FIGN: variants seen among roughly 807,000 people sequenced by gnomAD.
FIGN encodes fidgetin, microtubule severing factor, also known as fidgetin.
A neutral mutation model predicts 51.3 loss-of-function variants in FIGN; 11 were observed. The ratio of observed to expected loss-of-function variants is 0.21; its 90% confidence interval spans 0.13 to 0.35. The LOEUF (loss-of-function observed/expected upper bound fraction) is 0.35, where lower values mean the gene tolerates loss of function less well. FIGN is among the 10% of genes least tolerant of loss of function. The pLI, the probability that FIGN is intolerant of heterozygous loss-of-function variation, is 1.00. For missense variants in FIGN, 857 were observed against 943.6 expected, an observed-to-expected ratio of 0.91 and a Z score of 1.20; for synonymous variants, 407 against 363.2, an observed-to-expected ratio of 1.12 and a Z score of -1.37.
chr2:163,611,492 T>C lies in FIGN; in HGVS notation c.340A>G (p.Asn114Asp). 6.2e-7 allele frequency: 1 copy of C among 1,614,198 alleles called. No homozygotes were observed. Among genetic ancestry groups the C allele is most frequent in the Non-Finnish European group, 8.5e-7 (1 of 1,180,024 alleles). ...TTCATGGGATAAACAGCTTCTGAATTCAAGGAAGGCTGCCAGGGTTCACTT... is the reference window on the plus strand; with the variant it reads ...TTCATGGGATAAACAGCTTCTGAATCCAAGGAAGGCTGCCAGGGTTCACTT... ...NESEPWQPSL[N>D]SEAVYPMNCV... Residue 114 changes from asparagine to aspartate, a missense_variant, in exon 3 of 3, where the codon AAT becomes GAT. By Grantham distance (23) the Asn-to-Asp change is conservative (BLOSUM62 1). Transcript: ENST00000333129.
intron 2 of FIGN, among the ~76,000 whole-genome samples, chr2:163,625,803 A>G (rs1444208737): frequency 6.6e-6 from 1 of 152,068 alleles, no homozygotes; most frequent in Non-Finnish European, 1.5e-5. Flanking sequence ...AACCTCTCAC[A>G]TGGTAACATA....
intron 2 of FIGN, among the ~76,000 whole-genome samples, chr2:163,727,916 C>T (rs1684863378): frequency 6.6e-6 from 1 of 152,084 alleles, no homozygotes; most frequent in South Asian, 2.1e-4. Context: ...ATGTTTTGTC[C>T]ACCTATCAGC....
chr2:163,652,581 T>C (rs1461721842), intron 2 of FIGN, among the ~76,000 whole-genome samples: 1 of 152,134 alleles, frequency 6.6e-6, no homozygotes, highest in Non-Finnish European at 1.5e-5. Context: ...TAAACATTTA[T>C]ACAGTCTAAA....
At chr2:163,653,793 CA>C (rs1381890619) in intron 2 of FIGN, among the ~76,000 whole-genome samples, 1 of 152,048 alleles carries the variant, frequency 6.6e-6, no homozygotes, top group Non-Finnish European at 1.5e-5. Context: ...ATATTTTGTG[CA>C]ACAGGAATTT....
At chr2:163,678,512 C>T (rs557842787) in intron 2 of FIGN, among the ~76,000 whole-genome samples, 33 of 152,282 alleles carry the variant, frequency 2.2e-4, no homozygotes, top group Admixed American at 9.8e-4. Flanking sequence ...TGAGCCACCA[C>T]GCCTGACCAA....
chr2:163,667,775 C>T (rs146885784), intron 2 of FIGN, among the ~76,000 whole-genome samples: 4 of 152,280 alleles, frequency 2.6e-5, no homozygotes, highest in South Asian at 2.1e-4. Flanking sequence ...TCCACTGCTG[C>T]GTTCTTCACA....
intron 2 of FIGN, among the ~76,000 whole-genome samples, chr2:163,669,346 G>T (rs557842881): frequency 3.7e-4 from 57 of 152,162 alleles, no homozygotes; most frequent in African/African-American, 1.2e-3. Context: ...TGAGTAGCTG[G>T]GACTACAGGC....
intron 2 of FIGN, among the ~76,000 whole-genome samples, chr2:163,682,112 C>A (rs768994924): frequency 6.6e-6 from 1 of 152,168 alleles, no homozygotes; most frequent in African/African-American, 2.4e-5. Context: ...AATCTACTTT[C>A]TTTTCCTGTT....
intron 2 of FIGN, among the ~76,000 whole-genome samples, chr2:163,689,120 A>G (rs1684198811): frequency 6.6e-6 from 1 of 151,010 alleles, no homozygotes; most frequent in South Asian, 2.1e-4. Context: ...TGATTGTACC[A>G]CTGCACTCCA....
intron 2 of FIGN, among the ~76,000 whole-genome samples, chr2:163,698,502 C>T (rs1684357935): frequency 6.6e-6 from 1 of 152,002 alleles, no homozygotes; most frequent in Admixed American, 6.6e-5. Flanking sequence ...TTCCAAGATT[C>T]CCCCCACCCT....
intron 2 of FIGN, among the ~76,000 whole-genome samples, chr2:163,660,471 A>G (rs1683635439): frequency 6.6e-6 from 1 of 151,938 alleles, no homozygotes; most frequent in Admixed American, 6.6e-5. Context: ...CAACATATCA[A>G]TTAATAATAC....
chr2:163,725,154 C>T (rs1232736691), intron 2 of FIGN, among the ~76,000 whole-genome samples: 1 of 152,106 alleles, frequency 6.6e-6, no homozygotes, highest in African/African-American at 2.4e-5. Flanking sequence ...TTAATTCAAA[C>T]TACTTCTCAT....
rs756227042 is a variant in FIGN, at chr2:163,610,961, G to T, written c.871C>A (p.Pro291Thr). The T allele has an allele frequency of 2.5e-6, 4 of 1,611,966 alleles. No homozygotes were observed. In the Admixed American group the frequency reaches 6.7e-5, roughly 27 times the overall value. The change falls in exon 3 of 3, where the codon CCT (proline) becomes ACT (threonine). Residue 291 changes from proline to threonine, a missense_variant. Pro to Thr is a conservative substitution (Grantham distance 38). Around this residue, in one of 3 missense-constraint regions of FIGN, gnomAD observed 799 missense variants for 849.5 expected, o/e 0.94. Coordinates refer to ENST00000333129, the MANE Select transcript of FIGN (RefSeq NM_018086.4). ...APTPLPPTTV[P>T]GYTYQGHGLT... ...CCATGGCCCTGGTAGGTGTAGCCAG[G>T]AACAGTGGTGGGGGGTAGGGGGGTG... is the stretch of plus-strand genomic sequence containing the variant.
At chr2:163,677,599 C>A (rs1215822627) in intron 2 of FIGN, among the ~76,000 whole-genome samples, 1 of 152,198 alleles carries the variant, frequency 6.6e-6, no homozygotes, top group African/African-American at 2.4e-5. Flanking sequence ...TGATTTCCTA[C>A]ATTTTCCTTT....
rs374458554 is a variant in FIGN, at chr2:163,655,804, C to CACAGAGAG, written c.26-43999_26-43998insCTCTCTGT. On this transcript the variant is annotated intron_variant, in intron 2 of 2. Coordinates refer to ENST00000333129, the MANE Select transcript of FIGN (RefSeq NM_018086.4). ...ACACACGCACACACACACACACACA[C>CACAGAGAG]AGAGAGAGAGAGAGAGAGAGAGAGC... 7.9e-3 allele frequency among the ~76,000 whole-genome samples: 1,156 copies of CACAGAGAG among 145,822 alleles called. 14 individuals carry two copies. Among genetic ancestry groups the CACAGAGAG allele is most frequent in the African/African-American group, 0.027 (1,053 of 39,450 alleles).
At chr2:163,719,648 A>C (rs2105361948) in intron 2 of FIGN, among the ~76,000 whole-genome samples, 1 of 152,324 alleles carries the variant, frequency 6.6e-6, no homozygotes, top group Non-Finnish European at 1.5e-5. Context: ...CCATTTGTTT[A>C]GTTTCTAGTA....
rs368846104 is a variant in FIGN, at chr2:163,729,640, G to A, written c.25+5263C>T. On this transcript the variant is annotated intron_variant, in intron 2 of 2. Transcript: ENST00000333129. Reference sequence around the variant, plus strand: ...TAAGCTGAGCTATAGGGTAAAAAACGTTTAACCTTGGGCCTTCATATAATA... The same window carrying A: ...TAAGCTGAGCTATAGGGTAAAAAACATTTAACCTTGGGCCTTCATATAATA... 4.6e-5 allele frequency among the ~76,000 whole-genome samples: 7 copies of A among 152,016 alleles called. No homozygotes were observed. The East Asian group carries it at 7.7e-4, about 17-fold the overall frequency.
intron 2 of FIGN, among the ~76,000 whole-genome samples, chr2:163,628,792 C>G (rs1024688217): frequency 6.6e-6 from 1 of 152,128 alleles, no homozygotes; most frequent in African/African-American, 2.4e-5. Context: ...CATTGGCTAA[C>G]AAAGAGATTG....
intron 2 of FIGN, among the ~76,000 whole-genome samples, chr2:163,728,706 G>T (rs1443705171): frequency 6.6e-6 from 1 of 152,126 alleles, no homozygotes; most frequent in African/African-American, 2.4e-5. Flanking sequence ...CCAGATAAAA[G>T]TCTGTAGGTG....
Sources: allele counts gnomAD v4.1 joint callset (sites outside exome capture counted in the v4.1 genomes callset), GRCh38; gene constraint gnomAD v4.1.1; regional missense constraint gnomAD v4.1.1; transcripts MANE v1.5; gene names NCBI Gene and HGNC (gene_info 2026-07-23, HGNC 2026-07-21).